The following ARHGAP15 variants were observed in gnomAD, a reference collection of about 807,000 sequenced individuals.
The protein encoded by ARHGAP15 is rho GTPase-activating protein 15.
A neutral mutation model predicts 63.7 loss-of-function variants in ARHGAP15; 51 were observed. The observed-to-expected ratio is 0.80, with a 90% CI of 0.64 to 1.01. ARHGAP15 has a LOEUF of 1.01. ARHGAP15 is among the 50% of genes least tolerant of loss of function. The probability of loss-of-function intolerance (pLI) is 0.00; values close to 1 mark genes in which losing one functional copy is unlikely to be tolerated. For missense variants in ARHGAP15, 560 were observed against 564.6 expected (o/e 0.99, Z 0.08); for synonymous variants, 191 against 193.8 (o/e 0.99, Z 0.12).
At chr2:143,425,780 T>TC (rs1689116186) in intron 6 of ARHGAP15, among the ~76,000 whole-genome samples, 3 of 152,140 alleles carry the variant, frequency 2.0e-5, no homozygotes, top group Non-Finnish European at 2.9e-5. Flanking sequence ...TAATGAATGA[T>TC]CATGCTCTTT....
At chr2:143,340,720 T>C (rs1685022373) in intron 6 of ARHGAP15, among the ~76,000 whole-genome samples, 1 of 152,116 alleles carries the variant, frequency 6.6e-6, no homozygotes, top group South Asian at 2.1e-4. Flanking sequence ...GGCTCACTTT[T>C]CTGAAAGAAG....
intron 13 of ARHGAP15, among the ~76,000 whole-genome samples, chr2:143,752,059 T>C (rs1432799501): frequency 6.6e-6 from 1 of 152,204 alleles, no homozygotes; most frequent in Non-Finnish European, 1.5e-5. Flanking sequence ...GAGGATGCTA[T>C]GTTCTAGCGA....
chr2:143,755,251 T>C (rs1686530744), intron 13 of ARHGAP15, among the ~76,000 whole-genome samples: 1 of 138,016 alleles, frequency 7.2e-6, no homozygotes, highest in South Asian at 2.7e-4. Context: ...TAATAGGTGC[T>C]CCCAATGCTT....
At chr2:143,746,727 A>G (rs1686179527) in intron 13 of ARHGAP15, among the ~76,000 whole-genome samples, 1 of 152,250 alleles carries the variant, frequency 6.6e-6, no homozygotes, top group African/African-American at 2.4e-5. Flanking sequence ...ACTTAGCGAT[A>G]AAAATAAAAC....
intron 6 of ARHGAP15, among the ~76,000 whole-genome samples, chr2:143,330,253 G>A (rs1387398010): frequency 1.3e-5 from 2 of 151,248 alleles, no homozygotes; most frequent in Non-Finnish European, 2.9e-5. Flanking sequence ...ATTGGCCTAA[G>A]GGATCTGTAA....
At chr2:143,193,676 C>A (rs1691763860) in intron 2 of ARHGAP15, among the ~76,000 whole-genome samples, 1 of 152,032 alleles carries the variant, frequency 6.6e-6, no homozygotes, top group South Asian at 2.1e-4. Context: ...TGGCTTCCCA[C>A]AAAGCTGTTA....
intron 6 of ARHGAP15, among the ~76,000 whole-genome samples, chr2:143,343,539 T>G (rs756371767): frequency 2.6e-5 from 4 of 152,106 alleles, no homozygotes; most frequent in Non-Finnish European, 5.9e-5. Context: ...AAAGATCAGA[T>G]TTGCCCTTGA....
chr2:143,455,849 A>G (rs1367286990), intron 8 of ARHGAP15, among the ~76,000 whole-genome samples: 1 of 152,100 alleles, frequency 6.6e-6, no homozygotes, highest in Non-Finnish European at 1.5e-5. Flanking sequence ...AAAATGCTCC[A>G]ATCTTGAGTC....
chr2:143,310,410 C>T (rs1683389315), intron 6 of ARHGAP15, among the ~76,000 whole-genome samples: 2 of 151,934 alleles, frequency 1.3e-5, no homozygotes, highest in Non-Finnish European at 2.9e-5. Context: ...GTTTTTGCTT[C>T]CTCAGCACTG....
At position 143,768,131 on chromosome 2, in the gene ARHGAP15, C is replaced by A; in HGVS notation, c.1387C>A (p.Leu463Met). Reference protein sequence around the residue: ...VYQNQIAELMLSEYSKIFGSE... With the variant: ...VYQNQIAELMMSEYSKIFGSE... ...CCAGAACCAGATAGCTGAGCTCATG[C>A]TGAGTGAGTACAGTAAGATCTTCGG... Residue 463 changes from leucine (L) to methionine (M), a missense_variant, in exon 14 of 14, where the codon CTG becomes ATG. Leu to Met is a conservative substitution (Grantham distance 15). Coordinates refer to ENST00000295095, the MANE Select transcript of ARHGAP15 (RefSeq NM_018460.4). 1 of 1,613,756 alleles carries A rather than the reference C, an allele frequency of 6.2e-7. No homozygotes were observed.
intron 11 of ARHGAP15, among the ~76,000 whole-genome samples, chr2:143,575,121 T>C (rs547385625): frequency 6.6e-6 from 1 of 152,292 alleles, no homozygotes; most frequent in South Asian, 2.1e-4. Flanking sequence ...GTATATATAT[T>C]TCTCTAGTGA....
intron 12 of ARHGAP15, among the ~76,000 whole-genome samples, chr2:143,695,232 T>G (rs977133346): frequency 6.6e-6 from 1 of 152,144 alleles, no homozygotes; most frequent in Non-Finnish European, 1.5e-5. Context: ...ATTAGAGAAA[T>G]TCAGAGAAAT....
intron 10 of ARHGAP15, among the ~76,000 whole-genome samples, chr2:143,546,327 T>C (rs1424735893): frequency 6.6e-6 from 1 of 152,212 alleles, no homozygotes; most frequent in Non-Finnish European, 1.5e-5. Flanking sequence ...TATGATGGGA[T>C]CAAAGGCTAC....
intron 11 of ARHGAP15, among the ~76,000 whole-genome samples, chr2:143,577,809 T>A (rs1229023449): frequency 3.3e-5 from 5 of 152,096 alleles, no homozygotes; most frequent in Non-Finnish European, 7.4e-5. Context: ...GAGATTCCCA[T>A]CCAGAATTCA....
At chr2:143,187,466 C>T (rs548411023) in intron 2 of ARHGAP15, among the ~76,000 whole-genome samples, 34 of 152,200 alleles carry the variant, frequency 2.2e-4, no homozygotes, top group Admixed American at 7.2e-4. Flanking sequence ...ATAATACTAG[C>T]TAACATCATT....
intron 12 of ARHGAP15, among the ~76,000 whole-genome samples, chr2:143,698,210 A>T (rs140694151): frequency 6.6e-6 from 1 of 152,166 alleles, no homozygotes; most frequent in African/African-American, 2.4e-5. Flanking sequence ...TAAGAACAAT[A>T]AAGGCATGGA....
At chr2:143,575,581 G>A (rs976830360) in intron 11 of ARHGAP15, among the ~76,000 whole-genome samples, 5 of 152,222 alleles carry the variant, frequency 3.3e-5, no homozygotes, top group African/African-American at 1.2e-4. Context: ...CATGGTGCAT[G>A]TGTTTAAATA....
chr2:143,216,563 C>A, intron 4 of ARHGAP15, 118 bp downstream of exon 4: 1 of 668,998 alleles, frequency 1.5e-6, no homozygotes, highest in East Asian at 2.7e-5. Context: ...GAACAGTCTC[C>A]TCTGCTACTG....
intron 4 of ARHGAP15, among the ~76,000 whole-genome samples, chr2:143,223,643 G>A (rs562093486): frequency 6.6e-6 from 1 of 152,192 alleles, no homozygotes; most frequent in Non-Finnish European, 1.5e-5. Flanking sequence ...GCCCAGGTCA[G>A]GCTAAGACAT....
Sources: gnomAD v4.1 joint callset for allele counts (sites outside exome capture counted in the v4.1 genomes callset) on GRCh38, gnomAD v4.1.1 for gene constraint, MANE v1.5 for transcripts, NCBI Gene and HGNC (gene_info 2026-07-23, HGNC 2026-07-21) for gene names.